The following MGA variants were observed in gnomAD, a reference collection of about 807,000 sequenced individuals.
MGA encodes MAX gene-associated protein.
Under a neutral mutation model 261.1 loss-of-function variants are expected in MGA, and 40 were observed. The ratio of observed to expected loss-of-function variants is 0.15; its 90% CI spans 0.12 to 0.20. The LOEUF (loss-of-function observed/expected upper bound fraction) is 0.20. Ranked by LOEUF, MGA falls within the 10% of genes least tolerant of loss-of-function variation. The probability of loss-of-function intolerance (pLI) is 1.00; values close to 1 mark genes in which losing one functional copy is unlikely to be tolerated. For synonymous variants in MGA, 1,302 were observed against 1,290.6 expected, an observed-to-expected ratio of 1.01 and a Z score of -0.19; for missense variants, 3,397 against 3,630.5, an observed-to-expected ratio of 0.94 and a Z score of 1.65.
intron 13 of MGA, among the ~76,000 whole-genome samples, chr15:41,737,793 G>A (rs1279500007): frequency 1.3e-5 from 2 of 151,678 alleles, no homozygotes; most frequent in East Asian, 2.0e-4. Context: ...TAGCCTGGCC[G>A]ACATGGCAAA....
intron 1 of MGA, among the ~76,000 whole-genome samples, chr15:41,637,631 G>A (rs1207860559): frequency 6.6e-6 from 1 of 152,072 alleles, no homozygotes; most frequent in African/African-American, 2.4e-5. Flanking sequence ...AGGGGAATGT[G>A]GTGACAGGGT....
intron 2 of MGA, among the ~76,000 whole-genome samples, chr15:41,671,949 A>G (rs181030723): frequency 1.3e-5 from 2 of 152,348 alleles, no homozygotes; most frequent in African/African-American, 4.8e-5. Context: ...GGTGGATGCC[A>G]TCTTTAAACT....
intron 17 of MGA, chr15:41,750,834 G>C (rs926286106): frequency 6.7e-6 from 3 of 445,936 alleles, no homozygotes; most frequent in Middle Eastern, 6.2e-4. Flanking sequence ...TTATGGGAAG[G>C]CTGGCTTAAA....
At chr15:41,648,995 T>TG (rs905591361) in intron 1 of MGA, among the ~76,000 whole-genome samples, 2 of 151,900 alleles carry the variant, frequency 1.3e-5, no homozygotes, top group African/African-American at 4.8e-5. Flanking sequence ...TGCATGAAGG[T>TG]GGAATGAAGT....
chr15:41,685,666 A>T (rs2058915046), intron 2 of MGA, among the ~76,000 whole-genome samples: 1 of 152,150 alleles, frequency 6.6e-6, no homozygotes, highest in Admixed American at 6.5e-5. Context: ...TAGGTGCTTT[A>T]AAAAATGATC....
chr15:41,754,659 T>C, intron 18 of MGA, 92 bp downstream of exon 18: 3 of 1,334,412 alleles, frequency 2.2e-6, no homozygotes, highest in Non-Finnish European at 3.0e-6. Flanking sequence ...GGGTAACTCA[T>C]CTGGTTCCTT....
chr15:41,761,477 T>A (rs1048211695), intron 20 of MGA, among the ~76,000 whole-genome samples: 3 of 152,238 alleles, frequency 2.0e-5, no homozygotes, highest in Admixed American at 6.5e-5. Flanking sequence ...TTGTATCTCC[T>A]CGCAGTGGTG....
intron 2 of MGA, among the ~76,000 whole-genome samples, chr15:41,671,816 C>T (rs1176461171): frequency 1.3e-5 from 2 of 152,122 alleles, no homozygotes; most frequent in Non-Finnish European, 2.9e-5. Flanking sequence ...TATTGCTTTG[C>T]TTTTTCTAAG....
rs774238124 is a variant in MGA at position 41,727,267 on chromosome 15, A to T, written c.3518A>T (p.Tyr1173Phe). The change falls in exon 10 of 24, where the codon TAT becomes TTT. Residue 1173 changes from tyrosine to phenylalanine, a missense_variant. Physicochemically the swap from Tyr to Phe is conservative, Grantham distance 22. This residue lies in a region of MGA where 519 missense variants were observed against 554.1 expected (regional missense o/e 0.94). Coordinates refer to ENST00000219905, the MANE Select transcript of MGA (RefSeq NM_001164273.2). ...GGTGAAGTAGATCCAGAACCAGTTT[A>T]TATCCCCACGCCTTCTGTCATTGAG... The T allele has an allele frequency of 2.5e-6, 4 of 1,613,920 alleles. No homozygotes were observed. Among genetic ancestry groups the T allele is most frequent in the Non-Finnish European group, 3.4e-6 (4 of 1,179,870 alleles).
chr15:41,729,853 T>C (rs993969120), intron 11 of MGA, among the ~76,000 whole-genome samples: 1 of 151,896 alleles, frequency 6.6e-6, no homozygotes, highest in East Asian at 1.9e-4. Flanking sequence ...ATGTATATTA[T>C]TCTTTCTTTT....
Position 41,762,282 on chromosome 15 carries a change from C to T in MGA, c.7664C>T (p.Ser2555Phe). 1.2e-6 allele frequency: 2 copies of T among 1,613,868 alleles called. No individual in the cohort carries two copies. The highest frequency in any genetic ancestry group is 1.7e-6 in the Non-Finnish European group (2 of 1,179,866). Residue 2555 changes from serine to phenylalanine, a missense_variant, in exon 22 of 24, where the codon TCT becomes TTT. Around this residue, in one of 9 missense-constraint regions of MGA, gnomAD observed 647 missense variants for 642.4 expected, o/e 1.01. Coordinates refer to ENST00000219905, the MANE Select transcript of MGA (RefSeq NM_001164273.2). ...CAGCAGGAAGGATCTTCTGCATCAT[C>T]TGTAGATCTTGGACAGATGTTTATA...
chr15:41,646,481 G>A (rs1223676484), intron 1 of MGA, among the ~76,000 whole-genome samples: 1 of 151,932 alleles, frequency 6.6e-6, no homozygotes, highest in Non-Finnish European at 1.5e-5. Context: ...CAGTAGCTGG[G>A]GTAACAGGCG....
At chr15:41,744,432 G>C (rs11634956) in intron 15 of MGA, among the ~76,000 whole-genome samples, 89,130 of 151,770 alleles carry the variant, frequency 0.59, 27,196 homozygotes, top group Middle Eastern at 0.72. Context: ...CTCAGTCTCC[G>C]TGATCTTCCC....
At chr15:41,759,122 G>A (rs557345846) in intron 19 of MGA, among the ~76,000 whole-genome samples, 2 of 152,254 alleles carry the variant, frequency 1.3e-5, no homozygotes, top group South Asian at 2.1e-4. Context: ...ATTGTTTATT[G>A]TTGATGAAAT....
chr15:41,755,445 T>A (rs1243046485), intron 18 of MGA, among the ~76,000 whole-genome samples: 1 of 152,116 alleles, frequency 6.6e-6, no homozygotes, highest in Non-Finnish European at 1.5e-5. Flanking sequence ...ACTTAATGAG[T>A]TTAGTCTGGG....
At chr15:41,739,976 G>C (rs2062000862) in intron 13 of MGA, 1 of 1,613,312 alleles carries the variant, frequency 6.2e-7, no homozygotes, top group Non-Finnish European at 8.5e-7. Context: ...CCAGCCAATA[G>C]GCTAGCTGCT....
intron 13 of MGA, among the ~76,000 whole-genome samples, chr15:41,737,723 G>C (rs1027977468): frequency 6.6e-6 from 1 of 152,080 alleles, no homozygotes; most frequent in African/African-American, 2.4e-5. Flanking sequence ...GCTTACGCCT[G>C]TAATCCCAGC....
In MGA at chr15:41,759,595, G is replaced by A. The variant is rs1041621073; in HGVS notation, c.7192-728G>A. 5.3e-5 allele frequency among the ~76,000 whole-genome samples: 8 copies of A among 151,644 alleles called. No homozygotes were observed. The East Asian group carries it at 7.8e-4, about 15-fold the overall frequency. On this transcript the variant is annotated intron_variant, in intron 19 of 23. Coordinates refer to ENST00000219905, the MANE Select transcript of MGA (RefSeq NM_001164273.2). ...GGAAATTACAGGTGTGAGCCACTGTGCCTGGCCAGCCTTTTCATATATTTT... is the reference window on the plus strand; with the variant it reads ...GGAAATTACAGGTGTGAGCCACTGTACCTGGCCAGCCTTTTCATATATTTT...
At chr15:41,694,580 G>T (rs2059453474) in intron 2 of MGA, among the ~76,000 whole-genome samples, 1 of 150,358 alleles carries the variant, frequency 6.7e-6, no homozygotes, top group South Asian at 2.1e-4. Context: ...AGGCTGGAGT[G>T]CAGTGGCACG....
Sources: allele counts gnomAD v4.1 joint callset (sites outside exome capture counted in the v4.1 genomes callset), GRCh38; gene constraint gnomAD v4.1.1; regional missense constraint gnomAD v4.1.1; transcripts MANE v1.5; gene names NCBI Gene and HGNC (gene_info 2026-07-23, HGNC 2026-07-21).